Variants in CPED1 observed in about 807,000 individuals in gnomAD.
CPED1 encodes the protein cadherin-like and PC-esterase domain-containing protein 1.
Under a neutral mutation model 128.2 loss-of-function variants are expected in CPED1, and 114 were observed. That is an observed-to-expected ratio of 0.89 (90% CI 0.76 to 1.04). CPED1 has a LOEUF of 1.04. Among genes scored for constraint, CPED1 ranks in the 50% least tolerant of loss-of-function variants. The probability of loss-of-function intolerance (pLI) is 0.00; values close to 1 mark genes in which losing one functional copy is unlikely to be tolerated. For missense variants in CPED1, 1,211 were observed against 1,207.1 expected, an observed-to-expected ratio of 1.00 and a Z score of -0.05; for synonymous variants, 462 against 426.7, an observed-to-expected ratio of 1.08 and a Z score of -1.02.
intron 7 of CPED1, among the ~76,000 whole-genome samples, chr7:121,107,728 GAAA>G (rs1795012896): frequency 6.6e-6 from 1 of 151,900 alleles, no homozygotes; most frequent in African/African-American, 2.4e-5. Context: ...TTTGGGTATA[GAAA>G]AAAAGTAAGT....
At chr7:121,190,981 G>A (rs1442707914) in intron 16 of CPED1, among the ~76,000 whole-genome samples, 1 of 152,120 alleles carries the variant, frequency 6.6e-6, no homozygotes, top group Non-Finnish European at 1.5e-5. Context: ...TCAGTGCTGA[G>A]TTTTAAAGCC....
In CPED1 at chr7:121,095,942, A is replaced by C. The variant is rs909704757; in HGVS notation, c.617-1757A>C. Reference sequence around the variant, plus strand: ...TCATACTATACAAAAGAAGCCTCCAAATCAGCTCTTTGGAGAAACAAAACT... The same window carrying C: ...TCATACTATACAAAAGAAGCCTCCACATCAGCTCTTTGGAGAAACAAAACT... On this transcript the variant is annotated intron_variant, in intron 5 of 22. Coordinates refer to ENST00000310396, the MANE Select transcript of CPED1 (RefSeq NM_024913.5). Among the ~76,000 whole-genome samples the C allele has an allele frequency of 1.1e-3, 166 of 152,246 alleles. 2 individuals carry two copies. Among genetic ancestry groups the C allele is most frequent in the Non-Finnish European group, 2.5e-4 (17 of 67,992 alleles).
intron 15 of CPED1, among the ~76,000 whole-genome samples, chr7:121,141,514 G>A (rs763406293): frequency 3.9e-5 from 6 of 152,008 alleles, no homozygotes; most frequent in Admixed American, 1.3e-4. Context: ...GTTCCATGCT[G>A]TAGGGAAGGA....
intron 4 of CPED1, among the ~76,000 whole-genome samples, chr7:121,061,356 ATGTC>A (rs1022543408): frequency 6.6e-6 from 1 of 152,020 alleles, no homozygotes; most frequent in African/African-American, 2.4e-5. Context: ...AATAAGAAAA[ATGTC>A]TGTGTATAAA....
rs201866377 is a variant in CPED1, at chr7:121,064,213, C to T, written c.541-25C>T. On this transcript the variant is annotated intron_variant, in intron 4 of 22. Transcript: ENST00000310396. ...TTAGCGTTGATGAATGCCTCACTCA[C>T]TAGAATCTTTTTCATTCCTTTCAGG... 8 of 1,519,822 alleles carry T rather than the reference C, an allele frequency of 5.3e-6. No individual in the cohort carries two copies. The East Asian group carries it at 1.3e-4, about 26-fold the overall frequency. The allele number at this position is 1,519,822 out of a possible 1,614,324, so 94.1% of individuals were successfully genotyped here.
At chr7:121,147,060 C>G (rs1796039385) in intron 16 of CPED1, among the ~76,000 whole-genome samples, 2 of 152,112 alleles carry the variant, frequency 1.3e-5, no homozygotes. Context: ...CAGACATTGC[C>G]AAATGTCTGT....
chr7:121,121,898 C>G (rs573672356), intron 7 of CPED1, among the ~76,000 whole-genome samples: 60 of 152,242 alleles, frequency 3.9e-4, no homozygotes, highest in African/African-American at 1.4e-3. Context: ...CAAGGAAATA[C>G]AATTAGAGTA....
At chr7:121,087,849 A>G (rs566118421) in intron 5 of CPED1, among the ~76,000 whole-genome samples, 1 of 151,582 alleles carries the variant, frequency 6.6e-6, no homozygotes, top group Non-Finnish European at 1.5e-5. Flanking sequence ...TTTAGTAGAG[A>G]CAGGGTTTCA....
chr7:121,231,658 T>C, intron 16 of CPED1, among the ~76,000 whole-genome samples: 1 of 151,976 alleles, frequency 6.6e-6, no homozygotes, highest in South Asian at 2.1e-4. Context: ...AGAGTTGCTG[T>C]GTACCATAAG....
intron 16 of CPED1, among the ~76,000 whole-genome samples, chr7:121,147,511 T>C (rs1451770097): frequency 1.4e-5 from 2 of 144,498 alleles, no homozygotes; most frequent in African/African-American, 2.4e-5. Context: ...ATTAATAAAA[T>C]ATACTTATAA....
At chr7:121,151,423 TCCAGCAACTGCA>T (rs1281983605) in intron 16 of CPED1, among the ~76,000 whole-genome samples, 3 of 152,190 alleles carry the variant, frequency 2.0e-5, no homozygotes, top group Admixed American at 2.0e-4. Context: ...CTTGCTTTGT[TCCAGCAACTGCA>T]CCATTTATAC....
At chr7:121,083,363 C>T (rs755372223) in intron 5 of CPED1, among the ~76,000 whole-genome samples, 7 of 152,054 alleles carry the variant, frequency 4.6e-5, no homozygotes, top group Non-Finnish European at 7.4e-5. Flanking sequence ...CTTGGAAGGG[C>T]CAAGAATTAG....
intron 4 of CPED1, among the ~76,000 whole-genome samples, chr7:121,049,121 G>T (rs1181922910): frequency 6.6e-6 from 1 of 152,072 alleles, no homozygotes; most frequent in African/African-American, 2.4e-5. Context: ...CTTCCAGGAA[G>T]AATCAAATGC....
intron 11 of CPED1, among the ~76,000 whole-genome samples, chr7:121,129,295 A>ATATATATACACG (rs1163471616): frequency 1.4e-3 from 13 of 9,266 alleles, no homozygotes; most frequent in Non-Finnish European, 3.1e-3. Context: ...ATGTATATAT[A>ATATATATACACG]TATATATATA....
At chr7:121,204,794 T>C (rs1406542676) in intron 16 of CPED1, among the ~76,000 whole-genome samples, 1 of 152,166 alleles carries the variant, frequency 6.6e-6, no homozygotes, top group African/African-American at 2.4e-5. Flanking sequence ...AGACATGTAG[T>C]CATTTACAGG....
intron 14 of CPED1, among the ~76,000 whole-genome samples, chr7:121,138,041 T>A (rs999819307): frequency 3.3e-5 from 5 of 152,102 alleles, no homozygotes; most frequent in Admixed American, 6.6e-5. Context: ...CATGTTTTTA[T>A]GCTGATAAAA....
intron 7 of CPED1, among the ~76,000 whole-genome samples, chr7:121,108,631 TA>T (rs145276836): frequency 0.11 from 16,462 of 152,142 alleles, 1,544 homozygotes; most frequent in African/African-American, 0.25. Flanking sequence ...TGATATTTTC[TA>T]GAGCTCTTTC....
At chr7:121,114,837 A>G (rs1795196420) in intron 7 of CPED1, among the ~76,000 whole-genome samples, 1 of 152,272 alleles carries the variant, frequency 6.6e-6, no homozygotes, top group Non-Finnish European at 1.5e-5. Context: ...TCATATAAAA[A>G]TAATGCACTT....
intron 2 of CPED1, chr7:120,993,959 C>T (rs373333052): frequency 3.4e-5 from 11 of 327,080 alleles, no homozygotes; most frequent in African/African-American, 8.8e-5. Context: ...GGGTGGGGGT[C>T]GTCCTGCAGG....
Sources: gnomAD v4.1 joint callset for allele counts (sites outside exome capture counted in the v4.1 genomes callset) on GRCh38, gnomAD v4.1.1 for gene constraint, MANE v1.5 for transcripts, NCBI Gene and HGNC (gene_info 2026-07-23, HGNC 2026-07-21) for gene names.